FSIP1: variants seen among roughly 807,000 people sequenced by gnomAD.
FSIP1 encodes fibrous sheath-interacting protein 1.
FSIP1 carries 65 observed loss-of-function variants against 60.9 expected under a neutral mutation model. The observed-to-expected ratio is 1.07, with a 90% CI of 0.87 to 1.31. The LOEUF (loss-of-function observed/expected upper bound fraction) is 1.31. Among genes scored for constraint, FSIP1 ranks in the 40% most tolerant of loss-of-function variants. FSIP1 has a pLI of 0.00. For synonymous variants in FSIP1, 209 were observed against 221.2 expected (o/e 0.94, Z 0.49); for missense variants, 675 against 665.5 (o/e 1.01, Z -0.16).
In FSIP1 at chr15:39,617,928, C is replaced by A. The variant is rs1196985650; in HGVS notation, c.1506G>T (p.Glu502Asp). The A allele has an allele frequency of 6.2e-7, 1 of 1,614,156 alleles. No individual in the cohort carries two copies. Among genetic ancestry groups the A allele is most frequent in the African/African-American group, 1.3e-5 (1 of 75,044 alleles). The change falls in exon 11 of 12, where the codon GAG (glutamate) becomes GAT (aspartate). Residue 502 changes from glutamate to aspartate, a missense_variant. Glu to Asp is a conservative substitution (Grantham distance 45). Coordinates refer to ENST00000350221, the MANE Select transcript of FSIP1 (RefSeq NM_152597.5). The stretch of plus-strand genomic sequence containing the variant: ...TGGAAAATTGAAGGCATTTCATATT[C>A]TCTGCTTCAGTGACAAGAGCTTCTG... ...NMSEALVTEAENMKCLQFSKD... is the reference protein window; with the variant it reads ...NMSEALVTEADNMKCLQFSKD...
chr15:39,758,168 T>C (rs1030141890), intron 5 of FSIP1, among the ~76,000 whole-genome samples: 1 of 152,088 alleles, frequency 6.6e-6, no homozygotes, highest in Non-Finnish European at 1.5e-5. Context: ...AAGTCAAATA[T>C]ACGGGCCAGG....
intron 10 of FSIP1, among the ~76,000 whole-genome samples, chr15:39,707,227 A>T (rs1393930590): frequency 6.6e-6 from 1 of 151,658 alleles, no homozygotes; most frequent in Non-Finnish European, 1.5e-5. Flanking sequence ...AGCCTTCCTG[A>T]CTGGCTCCAT....
chr15:39,693,315 T>G (rs1894680066), intron 10 of FSIP1, among the ~76,000 whole-genome samples: 1 of 152,182 alleles, frequency 6.6e-6, no homozygotes, highest in South Asian at 2.1e-4. Flanking sequence ...GCCAAGTATA[T>G]AAGCCACAAA....
At chr15:39,721,550 T>C (rs887491142) in intron 9 of FSIP1, among the ~76,000 whole-genome samples, 1 of 152,196 alleles carries the variant, frequency 6.6e-6, no homozygotes, top group African/African-American at 2.4e-5. Context: ...AGGTCAGAGA[T>C]CAAGCTTCAT....
intron 10 of FSIP1, among the ~76,000 whole-genome samples, chr15:39,644,370 C>T (rs1892503089): frequency 6.6e-6 from 1 of 152,084 alleles, no homozygotes; most frequent in African/African-American, 2.4e-5. Flanking sequence ...AATGAGAAGA[C>T]CTTTCGTTTC....
At chr15:39,667,939 A>C (rs1893563033) in intron 10 of FSIP1, among the ~76,000 whole-genome samples, 1 of 152,200 alleles carries the variant, frequency 6.6e-6, no homozygotes, top group Admixed American at 6.5e-5. Context: ...GCCACAGTTC[A>C]TGTCTAGTCT....
intron 8 of FSIP1, among the ~76,000 whole-genome samples, 163 bp from the exon 9 acceptor site, chr15:39,726,910 G>C (rs1896222720): frequency 1.3e-5 from 2 of 151,900 alleles, no homozygotes; most frequent in South Asian, 4.1e-4. Flanking sequence ...GTTAGTAAAA[G>C]AATAATATGA....
intron 10 of FSIP1, among the ~76,000 whole-genome samples, chr15:39,680,376 G>A (rs1373419515): frequency 6.6e-6 from 1 of 152,202 alleles, no homozygotes; most frequent in Non-Finnish European, 1.5e-5. Flanking sequence ...GCCTCCCAAT[G>A]TCTGTTTTCT....
chr15:39,718,253 C>T (rs574944778), intron 9 of FSIP1, among the ~76,000 whole-genome samples: 3 of 151,184 alleles, frequency 2.0e-5, no homozygotes, highest in East Asian at 1.9e-4. Context: ...TATAGATATA[C>T]ACACACACAC....
intron 5 of FSIP1, 77 bp from the exon 6 acceptor site, chr15:39,741,977 A>G (rs2140645221): frequency 5.2e-6 from 4 of 762,974 alleles, no homozygotes; most frequent in Non-Finnish European, 9.0e-6. Context: ...TTTTAAAAAG[A>G]TAACATTTAA....
chr15:39,665,481 G>T (rs1367301178), intron 10 of FSIP1, among the ~76,000 whole-genome samples: 1 of 152,156 alleles, frequency 6.6e-6, no homozygotes, highest in Admixed American at 6.5e-5. Context: ...ATTTAGTCAT[G>T]AAGTAGACAA....
At chr15:39,671,991 T>C (rs1479113221) in intron 10 of FSIP1, among the ~76,000 whole-genome samples, 4 of 152,206 alleles carry the variant, frequency 2.6e-5, no homozygotes, top group South Asian at 2.1e-4. Flanking sequence ...TCTCACCAGA[T>C]ACAGGTTCCA....
chr15:39,757,356 T>A (rs1317299227), intron 5 of FSIP1, among the ~76,000 whole-genome samples: 1 of 152,050 alleles, frequency 6.6e-6, no homozygotes, highest in Non-Finnish European at 1.5e-5. Flanking sequence ...ACCAGGAATA[T>A]GAGACTTTCA....
chr15:39,773,314 A>T (rs758386611), intron 2 of FSIP1, among the ~76,000 whole-genome samples: 2 of 152,228 alleles, frequency 1.3e-5, no homozygotes, highest in African/African-American at 4.8e-5. Context: ...TTCTTCCCCA[A>T]TCTAAGGTGA....
chr15:39,604,561 A>T (rs569233188), intron 11 of FSIP1, among the ~76,000 whole-genome samples: 66 of 152,276 alleles, frequency 4.3e-4, no homozygotes, highest in African/African-American at 1.5e-3. Context: ...CCAAATATAA[A>T]CTTACTATAC....
At chr15:39,761,803 T>C (rs1897508821) in intron 5 of FSIP1, among the ~76,000 whole-genome samples, 1 of 152,268 alleles carries the variant, frequency 6.6e-6, no homozygotes, top group African/African-American at 2.4e-5. Context: ...TATATTGTAT[T>C]CATAAATCAT....
At chr15:39,767,927 G>C (rs1370949962) in intron 3 of FSIP1, among the ~76,000 whole-genome samples, 1 of 152,218 alleles carries the variant, frequency 6.6e-6, no homozygotes, top group East Asian at 1.9e-4. Context: ...CCAGGATACA[G>C]AAAGCCCTCT....
chr15:39,756,059 G>A (rs1221224748), intron 5 of FSIP1, among the ~76,000 whole-genome samples: 1 of 152,078 alleles, frequency 6.6e-6, no homozygotes, highest in Non-Finnish European at 1.5e-5. Flanking sequence ...GAGATCTCTA[G>A]CAAGTACAAT....
At chr15:39,755,861 C>A (rs1897285125) in intron 5 of FSIP1, among the ~76,000 whole-genome samples, 2 of 152,100 alleles carry the variant, frequency 1.3e-5, no homozygotes, top group Admixed American at 1.3e-4. Flanking sequence ...TATCAAAAAG[C>A]AACCCTGTCA....
Sources: gnomAD v4.1 joint callset for allele counts (sites outside exome capture counted in the v4.1 genomes callset) on GRCh38, gnomAD v4.1.1 for gene constraint, MANE v1.5 for transcripts, NCBI Gene and HGNC (gene_info 2026-07-23, HGNC 2026-07-21) for gene names.